PUF60: variants seen among roughly 807,000 people sequenced by gnomAD.
The protein encoded by PUF60 is poly(U) binding splicing factor 60, also known as poly(U)-binding-splicing factor PUF60.
In PUF60, 10 loss-of-function variants were observed where a neutral mutation model predicts 61.8. That is an observed-to-expected ratio of 0.16 (90% confidence interval 0.10 to 0.27). PUF60 has a LOEUF of 0.27. Among genes scored for constraint, PUF60 ranks in the 10% least tolerant of loss-of-function variants. The probability of loss-of-function intolerance (pLI) is 1.00; values close to 1 mark genes in which losing one functional copy is unlikely to be tolerated. For missense variants in PUF60, 371 were observed against 754.0 expected (o/e 0.49, Z 5.95); for synonymous variants, 353 against 300.9 (o/e 1.17, Z -1.79).
In PUF60 at chr8:143,824,388, G is replaced by T; in HGVS notation, c.36C>A (p.Gly12=). Residue 12 remains glycine (G), a synonymous_variant, in exon 2 of 12, where the codon GGC becomes GGA. Transcript: ENST00000526683. The part of the protein sequence containing the change: ...ATATIALQVN[G]QQGGGSEPAA... ...CCGGCTCGGACCCCCCTCCTTGCTG[G>T]CCATTGACCTGCTGCAGGCAGGAAG... is the stretch of plus-strand genomic sequence containing the variant. 6.2e-7 allele frequency: 1 copy of T among 1,612,040 alleles called. No homozygotes were observed. The highest frequency in any genetic ancestry group is 1.7e-5 in the Admixed American group (1 of 60,008).
chr8:143,816,414 T>A lies in PUF60; in HGVS notation c.*106A>T. On this transcript the variant is annotated 3_prime_UTR_variant, in exon 12 of 12. Coordinates refer to ENST00000526683, the MANE Select transcript of PUF60 (RefSeq NM_078480.3). ...AGCATCCGCACCTTTATCCGCACTG[T>A]AGGCTGGGCTGGGCAGAGCGCGCCT... The A allele has an allele frequency of 7.7e-7, 1 of 1,303,542 alleles. No homozygotes were observed. 80.7% of individuals were successfully genotyped at this position (1,303,542 alleles called of 1,614,324 possible). A position where few individuals can be genotyped will look rare whatever the true frequency, so the allele number is the denominator to read the frequency against.
chr8:143,818,105 C>A lies in PUF60; in HGVS notation c.604-30G>T. ...GGAAGAGGCGGTGAGATGGAAAGAC[C>A]GGTCAACCCAGGCCCGGCCACAAAA... On this transcript the variant is annotated intron_variant, in intron 7 of 11. Coordinates refer to ENST00000526683, the MANE Select transcript of PUF60 (RefSeq NM_078480.3). The surrounding 1 kb of genome is among the most constrained non-coding windows in gnomAD (Gnocchi z 7.9). 3 of 1,607,164 alleles carry A rather than the reference C, an allele frequency of 1.9e-6. No individual in the cohort carries two copies. Among genetic ancestry groups the A allele is most frequent in the East Asian group, 2.2e-5 (1 of 44,750 alleles).
intron 2 of PUF60, among the ~76,000 whole-genome samples, chr8:143,823,504 A>G (rs1249476786): frequency 6.6e-6 from 1 of 152,090 alleles, no homozygotes; most frequent in African/African-American, 2.4e-5. Context: ...CCACCAACCA[A>G]TGGCCGGCTG....
chr8:143,821,970 C>A, intron 2 of PUF60, 57 bp from the exon 3 acceptor site: 2 of 1,392,702 alleles, frequency 1.4e-6, no homozygotes, highest in Non-Finnish European at 1.9e-6. Flanking sequence ...CTTCACGTGG[C>A]CCCAGGAGGG....
At position 143,817,210 on chromosome 8, in the gene PUF60, A is replaced by AGCTG. The variant is rs1816438685; in HGVS notation, c.1145-69_1145-66dup. 5 of 1,527,544 alleles carry AGCTG rather than the reference A, an allele frequency of 3.3e-6. No homozygotes were observed. The South Asian group carries it at 3.8e-5, about 12-fold the overall frequency. The allele number at this position is 1,527,544 out of a possible 1,614,324, so 94.6% of individuals were successfully genotyped here. ...CACCCCCCTTCCCAGAAAGGCACAG[A>AGCTG]GCTGGCCTGCCCTGGGCTCAGAGGG... On this transcript the variant is annotated intron_variant, in intron 10 of 11. Transcript: ENST00000526683. The surrounding 1 kb of genome is among the most constrained non-coding windows in gnomAD (Gnocchi z 7.4).
intron 2 of PUF60, chr8:143,822,759 G>T: frequency 2.8e-6 from 1 of 354,300 alleles, no homozygotes. Context: ...ACGCAGCTGT[G>T]TGAGCAGGGA....
At position 143,816,477 on chromosome 8, in the gene PUF60, A is replaced by G; in HGVS notation, c.*43T>C. 6.4e-7 allele frequency: 1 copy of G among 1,569,506 alleles called. No individual in the cohort carries two copies. The highest frequency in any genetic ancestry group is 8.6e-7 in the Non-Finnish European group (1 of 1,158,924). ...ACCACTGTATCACTATAAAACCCAG[A>G]GGAAACAAGGAACAAGTGCAAGTCC... On this transcript the variant is annotated 3_prime_UTR_variant, in exon 12 of 12. Coordinates refer to ENST00000526683, the MANE Select transcript of PUF60 (RefSeq NM_078480.3).
At chr8:143,827,553 CAG>C (rs1817771817) in intron 1 of PUF60, 1 of 429,908 alleles carries the variant, frequency 2.3e-6, no homozygotes, top group Admixed American at 2.5e-5. Context: ...CAGCATGAGA[CAG>C]GGGACAGGCT....
chr8:143,820,530 C>T (rs1816892813), intron 5 of PUF60, 136 bp downstream of exon 5: 3 of 1,015,212 alleles, frequency 3.0e-6, no homozygotes, highest in South Asian at 2.8e-5. Flanking sequence ...CCACGCCTGG[C>T]GCTCTGCTGC....
chr8:143,825,419 T>C (rs576390613), intron 1 of PUF60, among the ~76,000 whole-genome samples: 1 of 152,236 alleles, frequency 6.6e-6, no homozygotes, highest in East Asian at 1.9e-4. Flanking sequence ...ATGGGTGTGC[T>C]CTAGCTGCCC....
intron 5 of PUF60, chr8:143,820,367 C>A (rs962661217): frequency 2.0e-6 from 1 of 494,002 alleles, no homozygotes; most frequent in Admixed American, 3.5e-5. Flanking sequence ...GTGCAGGTGG[C>A]GTGGGCGCAG....
chr8:143,823,533 G>C (rs1406130896), intron 2 of PUF60, among the ~76,000 whole-genome samples: 1 of 152,272 alleles, frequency 6.6e-6, no homozygotes, highest in Admixed American at 6.5e-5. Context: ...CCAAGGGCCA[G>C]GGAGCACCAG....
In PUF60 at chr8:143,818,708, G is replaced by C. The variant is rs920700387; in HGVS notation, c.349-174C>G. 3.3e-4 allele frequency: 229 copies of C among 700,046 alleles called. No individual in the cohort carries two copies. Among genetic ancestry groups the C allele is most frequent in the Non-Finnish European group, 2.6e-4 (112 of 434,516 alleles). 43.4% of individuals were successfully genotyped at this position (700,046 alleles called of 1,614,324 possible). On this transcript the variant is annotated intron_variant, in intron 5 of 11. Transcript: ENST00000526683. This position sits in a 1 kb window ranked among gnomAD's most constrained non-coding sequence, Gnocchi z 7.9. ...CATAGTGTGGGGGTCGCAGGACCCC[G>C]CCACCCAAAGAAGGAAGGCCAGGCC... is the stretch of plus-strand genomic sequence containing the variant.
intron 5 of PUF60, among the ~76,000 whole-genome samples, chr8:143,819,272 G>A (rs571143510): frequency 6.6e-6 from 1 of 152,170 alleles, no homozygotes; most frequent in Non-Finnish European, 1.5e-5. Context: ...CCTTAGAGCT[G>A]GTGACAGGCC....
Position 143,821,587 on chromosome 8 carries a change from C to T in PUF60, c.297+10G>A, listed in dbSNP as rs1344261089. 6.5e-6 allele frequency: 10 copies of T among 1,539,678 alleles called. No homozygotes were observed. Among genetic ancestry groups the T allele is most frequent in the East Asian group, 2.4e-5 (1 of 40,930 alleles). On this transcript the variant is annotated intron_variant, in intron 4 of 11. Transcript: ENST00000526683. ...TGGGGAGGGCGGTAGAGGCTCCGGCCGGGGCTCACCTGCAGGTTGGTGAGC... is the reference window on the plus strand; with the variant it reads ...TGGGGAGGGCGGTAGAGGCTCCGGCTGGGGCTCACCTGCAGGTTGGTGAGC...
chr8:143,820,578 G>T, intron 5 of PUF60, 88 bp downstream of exon 5: 1 of 1,417,460 alleles, frequency 7.1e-7, no homozygotes. Flanking sequence ...GGCCAGGGGA[G>T]CAAGGTCCCC....
rs1325978618 is a variant in PUF60, at chr8:143,817,708, G to T, written c.892C>A (p.Arg298=). 2 of 1,612,546 alleles carry T rather than the reference G, an allele frequency of 1.2e-6. No individual in the cohort carries two copies. The highest frequency in any genetic ancestry group is 1.3e-5 in the African/African-American group (1 of 74,934). Residue 298 remains arginine (R), a synonymous_variant, in exon 9 of 12, where the codon CGG becomes AGG. Coordinates refer to ENST00000526683, the MANE Select transcript of PUF60 (RefSeq NM_078480.3). This position sits in a 1 kb window ranked among gnomAD's most constrained non-coding sequence, Gnocchi z 7.4. ...GGCGGTGTGACAGCCTTGCCCACCC[G>T]CAAGTACTGGCCACCCAGGTCAAAG... The part of the protein sequence containing the change: ...NLFDLGGQYL[R]VGKAVTPPMP...
chr8:143,825,476 A>G (rs1817538066), intron 1 of PUF60, among the ~76,000 whole-genome samples: 2 of 151,696 alleles, frequency 1.3e-5, no homozygotes, highest in African/African-American at 4.8e-5. Flanking sequence ...AGAGAGTGAA[A>G]GGAAACAAGG....
In PUF60 at chr8:143,818,447, G is replaced by A. The variant is rs2130257405; in HGVS notation, c.436C>T (p.Arg146Cys). ...IYYELGEDTIRQAFAPFGPIK... is the reference protein window; with the variant it reads ...IYYELGEDTICQAFAPFGPIK... ...GGGCCAAAGGGGGCAAAGGCCTGGC[G>A]GATGGTGTCCTCCCCCAGCTCATAG... The change falls in exon 6 of 12, where the codon CGC becomes TGC. Residue 146 changes from arginine (R) to cysteine (C), a missense_variant. Around this residue, in one of 13 missense-constraint regions of PUF60, gnomAD observed 35 missense variants for 173.1 expected, o/e 0.20. Coordinates refer to ENST00000526683, the MANE Select transcript of PUF60 (RefSeq NM_078480.3). This position sits in a 1 kb window ranked among gnomAD's most constrained non-coding sequence, Gnocchi z 7.9. 1 of 1,612,002 alleles carries A rather than the reference G, an allele frequency of 6.2e-7. No homozygotes were observed. The highest frequency in any genetic ancestry group is 1.3e-5 in the African/African-American group (1 of 75,044).
Sources: gnomAD v4.1 joint callset for allele counts (sites outside exome capture counted in the v4.1 genomes callset) on GRCh38, gnomAD v4.1.1 for gene constraint, gnomAD v4.1.1 regional missense constraint, Gnocchi (gnomAD v3.1) non-coding constraint, MANE v1.5 for transcripts, NCBI Gene and HGNC (gene_info 2026-07-23, HGNC 2026-07-21) for gene names.